Variants in DLG2 observed in about 807,000 individuals in gnomAD.
DLG2 encodes discs large MAGUK scaffold protein 2, also known as disks large homolog 2.
A neutral mutation model predicts 132.5 loss-of-function variants in DLG2; 45 were observed. The observed-to-expected ratio is 0.34, with a 90% CI of 0.27 to 0.44. The LOEUF (loss-of-function observed/expected upper bound fraction) is 0.44, where lower values mean the gene tolerates loss of function less well. Among genes scored for constraint, DLG2 ranks in the 20% least tolerant of loss-of-function variants. The pLI, the probability that DLG2 is intolerant of heterozygous loss-of-function variation, is 1.00. For synonymous variants in DLG2, 424 were observed against 419.6 expected, an observed-to-expected ratio of 1.01 and a Z score of -0.13; for missense variants, 1,045 against 1,196.9, an observed-to-expected ratio of 0.87 and a Z score of 1.87.
chr11:84,121,537 G>A (rs1238391768), intron 9 of DLG2, among the ~76,000 whole-genome samples: 1 of 130,904 alleles, frequency 7.6e-6, no homozygotes, highest in African/African-American at 2.9e-5. Flanking sequence ...TATATTCCTT[G>A]CTAATTTTTT....
chr11:85,299,756 G>C (rs1325199394), intron 3 of DLG2, among the ~76,000 whole-genome samples: 1 of 152,294 alleles, frequency 6.6e-6, no homozygotes, highest in Admixed American at 6.5e-5. Context: ...GTAGTCTAGG[G>C]TAGGGCCTAG....
chr11:84,616,516 T>C (rs773658044), intron 6 of DLG2, among the ~76,000 whole-genome samples: 5 of 152,058 alleles, frequency 3.3e-5, no homozygotes, highest in Non-Finnish European at 7.4e-5. Flanking sequence ...CAAAGCACTG[T>C]CCAGTAGAAT....
chr11:84,368,992 CAT>C (rs1415116559), intron 7 of DLG2, among the ~76,000 whole-genome samples: 6 of 152,214 alleles, frequency 3.9e-5, no homozygotes, highest in Non-Finnish European at 8.8e-5. Context: ...TACTTCTCCA[CAT>C]GAGGTAACGT....
intron 18 of DLG2, among the ~76,000 whole-genome samples, chr11:83,682,625 A>C (rs1403578809): frequency 6.6e-6 from 1 of 152,178 alleles, no homozygotes; most frequent in East Asian, 1.9e-4. Flanking sequence ...CAATGCACAT[A>C]CAGCAAGGCG....
chr11:84,859,499 A>G (rs1183934856), intron 6 of DLG2, among the ~76,000 whole-genome samples: 8 of 148,298 alleles, frequency 5.4e-5, no homozygotes, highest in Non-Finnish European at 1.0e-4. Flanking sequence ...TATTTTATAT[A>G]TATCTAAACT....
intron 6 of DLG2, among the ~76,000 whole-genome samples, chr11:84,842,378 T>C (rs1246465302): frequency 6.6e-6 from 1 of 152,030 alleles, no homozygotes; most frequent in East Asian, 1.9e-4. Flanking sequence ...CAGGATTCAA[T>C]GTCCCCCGTA....
chr11:84,655,738 G>GTTTTTTTTTTTTTT (rs5793131), intron 6 of DLG2, among the ~76,000 whole-genome samples: 3 of 135,142 alleles, frequency 2.2e-5, no homozygotes, highest in Non-Finnish European at 3.2e-5. Context: ...TTTTTTGTTT[G>GTTTTTTTTTTTTTT]TTTTTTTTTT....
At position 83,879,352 on chromosome 11, in the gene DLG2, T is replaced by A. The variant is rs576667393; in HGVS notation, c.1497-4864A>T. Among the ~76,000 whole-genome samples the A allele has an allele frequency of 2.8e-3, 419 of 152,300 alleles. 9 individuals carry two copies. Among genetic ancestry groups the A allele is most frequent in the Non-Finnish European group, 8.5e-4 (58 of 68,022 alleles). Reference sequence around the variant, plus strand: ...GTGACTTGTAAAGTCACATTCATCATTAACATATCTTCTTATGGATATTCA... The same window carrying A: ...GTGACTTGTAAAGTCACATTCATCAATAACATATCTTCTTATGGATATTCA... On this transcript the variant is annotated intron_variant, in intron 15 of 27. Transcript: ENST00000376104.
At chr11:85,546,578 A>G (rs1306456880) in intron 3 of DLG2, among the ~76,000 whole-genome samples, 3 of 152,036 alleles carry the variant, frequency 2.0e-5, no homozygotes, top group Non-Finnish European at 2.9e-5. Flanking sequence ...TCTGTCTAAT[A>G]TTGACAGTGG....
intron 11 of DLG2, among the ~76,000 whole-genome samples, chr11:83,995,853 C>G (rs190646883): frequency 2.6e-5 from 4 of 152,216 alleles, no homozygotes; most frequent in Non-Finnish European, 5.9e-5. Context: ...AAATCTAAGA[C>G]CTGAAACCAT....
chr11:84,271,127 GATA>G (rs1374549824), intron 7 of DLG2, among the ~76,000 whole-genome samples: 3 of 152,144 alleles, frequency 2.0e-5, no homozygotes, highest in Non-Finnish European at 2.9e-5. Context: ...ATTCTTAACT[GATA>G]ATATTTTAAT....
chr11:83,906,876 T>G (rs1010313038), intron 15 of DLG2, among the ~76,000 whole-genome samples: 1 of 152,174 alleles, frequency 6.6e-6, no homozygotes, highest in Non-Finnish European at 1.5e-5. Context: ...TTACTCCTTC[T>G]GCAAGGGACT....
At chr11:83,611,546 C>A (rs947801874) in intron 19 of DLG2, among the ~76,000 whole-genome samples, 1 of 152,186 alleles carries the variant, frequency 6.6e-6, no homozygotes, top group African/African-American at 2.4e-5. Flanking sequence ...AGCTCTAACA[C>A]AGGATCCTTT....
chr11:85,587,239 C>A (rs535392306), intron 3 of DLG2, among the ~76,000 whole-genome samples: 3 of 152,044 alleles, frequency 2.0e-5, no homozygotes, highest in African/African-American at 2.4e-5. Flanking sequence ...TAGTTTAAAT[C>A]CATTGTTTCC....
At chr11:84,136,899 C>T (rs1399698275) in intron 9 of DLG2, among the ~76,000 whole-genome samples, 2 of 152,102 alleles carry the variant, frequency 1.3e-5, no homozygotes, top group Non-Finnish European at 2.9e-5. Flanking sequence ...TGTCTCACTG[C>T]ATTTTTCTTT....
chr11:84,295,823 T>C (rs1311804867), intron 7 of DLG2, among the ~76,000 whole-genome samples: 1 of 152,206 alleles, frequency 6.6e-6, no homozygotes, highest in African/African-American at 2.4e-5. Flanking sequence ...CTGCTGATCT[T>C]TGAATTAAAC....
rs2077913196 is a variant in DLG2 at position 85,276,703 on chromosome 11, C to G, written c.186+8517G>C. 4.6e-5 allele frequency among the ~76,000 whole-genome samples: 7 copies of G among 152,256 alleles called. 1 individual carries two copies. The South Asian group carries it at 1.5e-3, about 32-fold the overall frequency. ...AACCAGGAAATTTTAATTCATGTTT[C>G]TAGCATAATATACATATACTTAACA... On this transcript the variant is annotated intron_variant, in intron 4 of 27. Coordinates refer to ENST00000376104, the MANE Select transcript of DLG2 (RefSeq NM_001142699.3).
intron 18 of DLG2, among the ~76,000 whole-genome samples, chr11:83,765,045 T>A (rs1199210512): frequency 6.6e-6 from 1 of 152,234 alleles, no homozygotes; most frequent in Non-Finnish European, 1.5e-5. Context: ...CATGTTCTGT[T>A]ATAGTATTAA....
intron 20 of DLG2, among the ~76,000 whole-genome samples, chr11:83,539,586 A>G (rs1302964621): frequency 4.6e-5 from 7 of 151,842 alleles, no homozygotes; most frequent in Admixed American, 4.6e-4. Flanking sequence ...AACTATTTTG[A>G]AAATAATTAA....
Sources: gnomAD v4.1 joint callset for allele counts (sites outside exome capture counted in the v4.1 genomes callset) on GRCh38, gnomAD v4.1.1 for gene constraint, MANE v1.5 for transcripts, NCBI Gene and HGNC (gene_info 2026-07-23, HGNC 2026-07-21) for gene names.